Variants in ZNF789 observed in about 807,000 individuals in gnomAD.
The protein encoded by ZNF789 is zinc finger protein 789.
A neutral mutation model predicts 15.6 loss-of-function variants in ZNF789; 11 were observed. The ratio of observed to expected loss-of-function variants is 0.70; its 90% CI spans 0.44 to 1.16. The LOEUF (loss-of-function observed/expected upper bound fraction) is 1.16, where lower values mean the gene tolerates loss of function less well. ZNF789 is among the 50% of genes most tolerant of loss of function. The pLI is 0.00. For missense variants in ZNF789, 461 were observed against 512.6 expected (o/e 0.90, Z 0.97); for synonymous variants, 159 against 176.0 (o/e 0.90, Z 0.76).
chr7:99,484,622 A>T (rs931732760), intron 4 of ZNF789, among the ~76,000 whole-genome samples: 11 of 151,690 alleles, frequency 7.3e-5, no homozygotes, highest in Non-Finnish European at 1.6e-4. Context: ...TGTCTCAATT[A>T]AAAAATATAT....
intron 4 of ZNF789, among the ~76,000 whole-genome samples, chr7:99,484,538 G>A (rs577000718): frequency 2.6e-4 from 40 of 151,796 alleles, no homozygotes; most frequent in Admixed American, 9.8e-4. Context: ...GAGAATCACC[G>A]GAACCTGGGA....
chr7:99,486,853 T>C lies in ZNF789; in HGVS notation c.643T>C (p.Trp215Arg), dbSNP rs1799982951. ...ECGKVIRRKA[W>R]FDQHQRIHFL... ...TGGAAAAGTCATTAGGCGTAAGGCA[T>C]GGTTTGATCAACATCAAAGAATTCA... Residue 215 changes from tryptophan (W) to arginine (R), a missense_variant, in exon 5 of 5, where the codon TGG becomes CGG. Transcript: ENST00000331410. The C allele has an allele frequency of 1.2e-6, 2 of 1,614,032 alleles. No individual in the cohort carries two copies. Among genetic ancestry groups the C allele is most frequent in the African/African-American group, 1.3e-5 (1 of 74,896 alleles).
intron 1 of ZNF789, among the ~76,000 whole-genome samples, chr7:99,474,376 C>T (rs1327743932): frequency 2.6e-5 from 4 of 152,256 alleles, no homozygotes; most frequent in East Asian, 1.9e-4. Flanking sequence ...GGGAGGATCA[C>T]GAGGTCAGGA....
intron 4 of ZNF789, among the ~76,000 whole-genome samples, chr7:99,484,575 G>T (rs944228315): frequency 2.6e-5 from 4 of 151,304 alleles, no homozygotes; most frequent in Admixed American, 2.6e-4. Context: ...AGCCGAGATC[G>T]CGTCACTGCA....
chr7:99,485,964 A>G (rs913782135), intron 4 of ZNF789, among the ~76,000 whole-genome samples: 5 of 152,198 alleles, frequency 3.3e-5, no homozygotes, highest in Admixed American at 6.5e-5. Flanking sequence ...CTATACATTT[A>G]TAGTGAGTTT....
At chr7:99,473,481 C>T (rs905922192) in intron 1 of ZNF789, among the ~76,000 whole-genome samples, 1 of 152,158 alleles carries the variant, frequency 6.6e-6, no homozygotes, top group African/African-American at 2.4e-5. Flanking sequence ...TGTAATTGGC[C>T]ATTATCAACT....
At chr7:99,484,318 T>G (rs1410899579) in intron 4 of ZNF789, among the ~76,000 whole-genome samples, 175 bp downstream of exon 4, 2 of 152,130 alleles carry the variant, frequency 1.3e-5, no homozygotes, top group Admixed American at 1.3e-4. Flanking sequence ...ATTTCCCAGA[T>G]GAAGAAACTA....
intron 1 of ZNF789, among the ~76,000 whole-genome samples, chr7:99,476,082 C>T (rs1486841844): frequency 1.3e-5 from 2 of 152,094 alleles, no homozygotes; most frequent in Admixed American, 6.6e-5. Context: ...GGATTATAGG[C>T]GTGAGCCACC....
chr7:99,487,163 G>T lies in ZNF789; in HGVS notation c.953G>T (p.Cys318Phe), dbSNP rs1184945113. ...SGEKRHKCLECGKAFGRHSTL... is the reference protein window; with the variant it reads ...SGEKRHKCLEFGKAFGRHSTL... The stretch of plus-strand genomic sequence containing the variant: ...GAAAAACGCCATAAATGCCTTGAGT[G>T]TGGAAAAGCCTTTGGCCGGCATTCA... The change falls in exon 5 of 5, where the codon TGT becomes TTT. Residue 318 changes from cysteine (C) to phenylalanine (F), a missense_variant. By Grantham distance (205) the Cys-to-Phe change is radical. Transcript: ENST00000331410. 1 of 1,614,170 alleles carries T rather than the reference G, an allele frequency of 6.2e-7. No homozygotes were observed. The highest frequency in any genetic ancestry group is 1.1e-5 in the South Asian group (1 of 91,092).
intron 4 of ZNF789, chr7:99,485,299 C>A: frequency 7.6e-7 from 1 of 1,314,014 alleles, no homozygotes; most frequent in Non-Finnish European, 1.1e-6. Context: ...TGGGGCATGT[C>A]CTGTGCATTT....
At chr7:99,486,353 G>A (rs1376091728) in intron 4 of ZNF789, 123 bp from the exon 5 acceptor site, 10 of 993,498 alleles carry the variant, frequency 1.0e-5, no homozygotes, top group Non-Finnish European at 1.4e-5. Flanking sequence ...TGAGTCTGAT[G>A]ATGTAAACGA....
At chr7:99,476,039 G>A (rs1164731619) in intron 1 of ZNF789, among the ~76,000 whole-genome samples, 11 of 151,944 alleles carry the variant, frequency 7.2e-5, no homozygotes, top group African/African-American at 2.4e-4. Flanking sequence ...TTCTGACCTC[G>A]TGATCCACCC....
At chr7:99,479,872 CAG>C (rs1799530422) in intron 3 of ZNF789, 85 bp downstream of exon 3, 1 of 1,469,174 alleles carries the variant, frequency 6.8e-7, no homozygotes, top group Non-Finnish European at 9.1e-7. Context: ...ATTCCAGAAT[CAG>C]AAAAAGCGGT....
Position 99,487,114 on chromosome 7 carries a change from C to T in ZNF789, c.904C>T (p.Arg302Ter), listed in dbSNP as rs764652127. ...GTTTAGTCAGAATTCAACCCTTATT[C>T]GACATCAGGTGATCCATAGTGGAGA... ...KTFSQNSTLI[R>*]HQVIHSGEKR... is the part of the protein sequence containing the mutation. Residue 302 changes from arginine (R) to a stop codon, truncating the protein, a stop_gained, in exon 5 of 5, where the codon CGA becomes TGA. Transcript: ENST00000331410. LOFTEE classifies it low-confidence loss of function (END_TRUNC). 7.4e-6 allele frequency: 12 copies of T among 1,614,004 alleles called. No homozygotes were observed. The highest frequency in any genetic ancestry group is 1.1e-5 in the South Asian group (1 of 91,076).
intron 4 of ZNF789, 30 bp from the exon 5 acceptor site, chr7:99,486,446 C>T: frequency 6.3e-7 from 1 of 1,584,624 alleles, no homozygotes; most frequent in Non-Finnish European, 8.6e-7. Context: ...GTGGATAGGT[C>T]ATTTACATCT....
At chr7:99,483,982 C>CA (rs1799776615) in intron 3 of ZNF789, 48 bp from the exon 4 acceptor site, 5 of 1,507,350 alleles carry the variant, frequency 3.3e-6, no homozygotes, top group Middle Eastern at 1.7e-4. Flanking sequence ...CGGGCCATGT[C>CA]TCTGTAACTC....
intron 4 of ZNF789, among the ~76,000 whole-genome samples, chr7:99,484,422 C>T (rs570593863): frequency 3.2e-4 from 49 of 152,264 alleles, no homozygotes; most frequent in African/African-American, 1.1e-3. Flanking sequence ...CAGGACTAGA[C>T]CAGCCTGGCC....
intron 3 of ZNF789, chr7:99,483,738 G>A (rs1394849989): frequency 1.3e-6 from 1 of 780,930 alleles, no homozygotes; most frequent in Non-Finnish European, 2.4e-6. Context: ...TTGATATTCA[G>A]TTTATTTCCA....
chr7:99,486,296 C>T (rs1020842885), intron 4 of ZNF789, among the ~76,000 whole-genome samples, 180 bp from the exon 5 acceptor site: 1 of 152,154 alleles, frequency 6.6e-6, no homozygotes, highest in Non-Finnish European at 1.5e-5. Context: ...GCCTGGGCAA[C>T]AGAGAGAGAC....
Sources: gnomAD v4.1 joint callset for allele counts (sites outside exome capture counted in the v4.1 genomes callset) on GRCh38, gnomAD v4.1.1 for gene constraint, MANE v1.5 for transcripts, NCBI Gene and HGNC (gene_info 2026-07-23, HGNC 2026-07-21) for gene names.